The following SMC5 variants were observed in gnomAD, a reference collection of about 807,000 sequenced individuals.
SMC5 encodes structural maintenance of chromosomes 5.
In SMC5, 88 loss-of-function variants were observed where a neutral mutation model predicts 148.3. The ratio of observed to expected loss-of-function variants is 0.59; its 90% CI spans 0.50 to 0.71. The LOEUF (loss-of-function observed/expected upper bound fraction) is 0.71. Among genes scored for constraint, SMC5 ranks in the 30% least tolerant of loss-of-function variants. The pLI, the probability that SMC5 is intolerant of heterozygous loss-of-function variation, is 0.00. For missense variants in SMC5, 1,142 were observed against 1,298.9 expected, an observed-to-expected ratio of 0.88 and a Z score of 1.86; for synonymous variants, 421 against 432.8, an observed-to-expected ratio of 0.97 and a Z score of 0.34.
intron 8 of SMC5, among the ~76,000 whole-genome samples, chr9:70,297,113 CAT>C (rs1311364289): frequency 2.0e-5 from 3 of 152,168 alleles, no homozygotes; most frequent in African/African-American, 4.8e-5. Context: ...GGAATGTTTG[CAT>C]ATACATAATG....
chr9:70,332,089 C>A (rs2036232975), intron 17 of SMC5, among the ~76,000 whole-genome samples: 1 of 152,078 alleles, frequency 6.6e-6, no homozygotes, highest in Non-Finnish European at 1.5e-5. Context: ...CACTAAACTA[C>A]CAAAGGTCAC....
chr9:70,277,358 A>G lies in SMC5; in HGVS notation c.429A>G (p.Ala143=), dbSNP rs747088047. ...TAATCACCCGTGAGATTGATGTGGC[A>G]AAAAATCAGTCCTTTTGGTTCATCA... ...NLVITREIDV[A]KNQSFWFINK... The change falls in exon 4 of 25, where the codon GCA becomes GCG. Residue 143 remains alanine (A), a synonymous_variant. Transcript: ENST00000361138. 1.2e-6 allele frequency: 2 copies of G among 1,601,916 alleles called. No homozygotes were observed. Among genetic ancestry groups the G allele is most frequent in the East Asian group, 2.3e-5 (1 of 43,836 alleles).
chr9:70,347,723 T>G lies in SMC5; in HGVS notation c.2769+6T>G, dbSNP rs749053120. On this transcript the variant is annotated splice_donor_region_variant and intron_variant, in intron 21 of 24. Coordinates refer to ENST00000361138, the MANE Select transcript of SMC5 (RefSeq NM_015110.4). Reference sequence around the variant, plus strand: ...ACAGGGAAAACATTTCACAGGTAATTTTTTAGTTTTTAATCTTTTTATCAT... The same window carrying G: ...ACAGGGAAAACATTTCACAGGTAATGTTTTAGTTTTTAATCTTTTTATCAT... 5.4e-6 allele frequency: 8 copies of G among 1,493,556 alleles called. No individual in the cohort carries two copies. Among genetic ancestry groups the G allele is most frequent in the Non-Finnish European group, 7.3e-6 (8 of 1,102,638 alleles). 92.5% of individuals were successfully genotyped at this position (1,493,556 alleles called of 1,614,324 possible). A position where few individuals can be genotyped will look rare whatever the true frequency, so the allele number is the denominator to read the frequency against.
chr9:70,300,465 G>A (rs1404725834), intron 10 of SMC5, among the ~76,000 whole-genome samples: 1 of 151,964 alleles, frequency 6.6e-6, no homozygotes, highest in African/African-American at 2.4e-5. Flanking sequence ...AATTAGTTTG[G>A]TTAGCTGGTT....
At position 70,336,186 on chromosome 9, in the gene SMC5, C is replaced by T. The variant is rs565413352; in HGVS notation, c.2398-7958C>T. Among the ~76,000 whole-genome samples the T allele has an allele frequency of 4.6e-5, 7 of 152,022 alleles. No homozygotes were observed. The South Asian group carries it at 1.5e-3, about 32-fold the overall frequency. On this transcript the variant is annotated intron_variant, in intron 17 of 24. Transcript: ENST00000361138. ...GGTGCCTTTTTGTGGAAAGCATCCA[C>T]AGAGGGTAGATTTTAGGAAATGTAG...
At chr9:70,331,971 A>C (rs1163409591) in intron 17 of SMC5, among the ~76,000 whole-genome samples, 1 of 152,260 alleles carries the variant, frequency 6.6e-6, no homozygotes, top group African/African-American at 2.4e-5. Context: ...GTAGCATGAC[A>C]GAATAACACT....
chr9:70,271,421 T>C (rs1455352650), intron 3 of SMC5, among the ~76,000 whole-genome samples: 2 of 152,214 alleles, frequency 1.3e-5, no homozygotes, highest in African/African-American at 4.8e-5. Flanking sequence ...GTTGAAATTA[T>C]TGCCATTAAA....
chr9:70,318,305 T>C (rs7868421), intron 13 of SMC5, among the ~76,000 whole-genome samples: 17,452 of 151,974 alleles, frequency 0.11, 1,081 homozygotes, highest in African/African-American at 0.15. Flanking sequence ...GAAGGATCAC[T>C]TGAGCCTGGG....
intron 3 of SMC5, among the ~76,000 whole-genome samples, chr9:70,276,381 A>G (rs1242065030): frequency 1.3e-5 from 2 of 152,240 alleles, no homozygotes; most frequent in Non-Finnish European, 2.9e-5. Context: ...CTATGATGTT[A>G]GCCAGAATTC....
In SMC5 at chr9:70,268,119, T is replaced by C. The variant is rs139571770; in HGVS notation, c.380+144T>C. The C allele has an allele frequency of 1.3e-3, 841 of 640,698 alleles. 4 individuals are homozygous for C. The African/African-American group carries it at 0.014, about 11-fold the overall frequency. The allele number at this position is 640,698 out of a possible 1,614,324, so 39.7% of individuals were successfully genotyped here. On this transcript the variant is annotated intron_variant, in intron 3 of 24. Transcript: ENST00000361138. ...ATATTTAAAGAATACTTAATCCAGA[T>C]AAGTAAGGGGTTTAAAAAATATATT...
chr9:70,302,534 C>T (rs959634827), intron 10 of SMC5, among the ~76,000 whole-genome samples: 2 of 150,986 alleles, frequency 1.3e-5, no homozygotes, highest in Non-Finnish European at 3.0e-5. Context: ...AGCTGGGCAT[C>T]GTGGCATGTG....
chr9:70,261,889 T>C (rs541020940), intron 1 of SMC5, among the ~76,000 whole-genome samples: 13 of 152,300 alleles, frequency 8.5e-5, no homozygotes, highest in African/African-American at 3.1e-4. Flanking sequence ...TACATTGAAG[T>C]CAGATAGCGG....
intron 10 of SMC5, among the ~76,000 whole-genome samples, chr9:70,301,013 T>G (rs2035343654): frequency 6.6e-6 from 1 of 152,144 alleles, no homozygotes; most frequent in South Asian, 2.1e-4. Flanking sequence ...TTTTATATAG[T>G]TTTCAATTTT....
At chr9:70,326,136 A>G (rs552849346) in intron 17 of SMC5, among the ~76,000 whole-genome samples, 61 of 152,298 alleles carry the variant, frequency 4.0e-4, no homozygotes, top group Admixed American at 1.2e-3. Context: ...CTATGAAAAT[A>G]TTTTTTGGAA....
At position 70,259,070 on chromosome 9, in the gene SMC5, G is replaced by A. The variant is rs370724283; in HGVS notation, c.-9G>A. Reference sequence around the variant, plus strand: ...ACGGAAGTCGCTGTGGGACGCTGAGGAAGCCAGGATGGCGACTCCGAGCAA... The same window carrying A: ...ACGGAAGTCGCTGTGGGACGCTGAGAAAGCCAGGATGGCGACTCCGAGCAA... On this transcript the variant is annotated 5_prime_UTR_variant, in exon 1 of 25. Coordinates refer to ENST00000361138, the MANE Select transcript of SMC5 (RefSeq NM_015110.4). 6.0e-4 allele frequency: 962 copies of A among 1,598,842 alleles called. 10 individuals carry two copies. The South Asian group carries it at 0.01, about 17-fold the overall frequency.
At chr9:70,274,184 C>A (rs2034523816) in intron 3 of SMC5, among the ~76,000 whole-genome samples, 1 of 152,222 alleles carries the variant, frequency 6.6e-6, no homozygotes. Flanking sequence ...CGGGTTCACG[C>A]CATTTTCCTG....
chr9:70,347,089 A>G lies in SMC5; in HGVS notation c.2592A>G (p.Thr864=). ...LPMVFQDLPN[T]LDEIDALLTE... ...AGGTTTTCCAAGACCTTCCAAACAC[A>G]TTGGATGAAATTGATGCTTTATTAA... Residue 864 remains threonine (T), a synonymous_variant, in exon 20 of 25, where the codon ACA becomes ACG. Coordinates refer to ENST00000361138, the MANE Select transcript of SMC5 (RefSeq NM_015110.4). 1.2e-6 allele frequency: 2 copies of G among 1,613,902 alleles called. No individual in the cohort carries two copies. The highest frequency in any genetic ancestry group is 1.7e-6 in the Non-Finnish European group (2 of 1,179,906).
At chr9:70,293,900 T>C (rs146635349) in intron 8 of SMC5, among the ~76,000 whole-genome samples, 59 of 152,312 alleles carry the variant, frequency 3.9e-4, no homozygotes, top group African/African-American at 1.4e-3. Flanking sequence ...TTTTGGTAAA[T>C]TAATTGTAAT....
At chr9:70,297,545 A>G (rs1018195938) in intron 8 of SMC5, among the ~76,000 whole-genome samples, 3 of 152,170 alleles carry the variant, frequency 2.0e-5, no homozygotes, top group Non-Finnish European at 2.9e-5. Context: ...GGGATATTCA[A>G]CCTGTAATAG....
Sources: allele counts gnomAD v4.1 joint callset (sites outside exome capture counted in the v4.1 genomes callset), GRCh38; gene constraint gnomAD v4.1.1; transcripts MANE v1.5; gene names NCBI Gene and HGNC (gene_info 2026-07-23, HGNC 2026-07-21).